Variants in TNFRSF11A observed in about 807,000 individuals in gnomAD.
TNFRSF11A encodes tumor necrosis factor receptor superfamily member 11A.
TNFRSF11A carries 32 observed loss-of-function variants against 55.7 expected under a neutral mutation model. The ratio of observed to expected loss-of-function variants is 0.57; its 90% CI spans 0.43 to 0.77. The LOEUF (loss-of-function observed/expected upper bound fraction) is 0.77, where lower values mean the gene tolerates loss of function less well. Ranked by LOEUF, TNFRSF11A falls within the 30% of genes least tolerant of loss-of-function variation. TNFRSF11A has a pLI of 0.00. For missense variants in TNFRSF11A, 753 were observed against 809.8 expected (o/e 0.93, Z 0.85); for synonymous variants, 311 against 331.0 (o/e 0.94, Z 0.65).
intron 1 of TNFRSF11A, among the ~76,000 whole-genome samples, chr18:62,326,931 T>G (rs934982964): frequency 6.6e-6 from 1 of 152,136 alleles, no homozygotes; most frequent in African/African-American, 2.4e-5. Flanking sequence ...ATTACATACA[T>G]AGGCACAGGA....
At chr18:62,343,377 T>G (rs1448588961) in intron 1 of TNFRSF11A, among the ~76,000 whole-genome samples, 1 of 152,222 alleles carries the variant, frequency 6.6e-6, no homozygotes, top group South Asian at 2.1e-4. Context: ...TTAGTATCCA[T>G]AATGACTTGC....
rs191486148 is a variant in TNFRSF11A, at chr18:62,338,102, A to C, written c.76-10066A>C. Among the ~76,000 whole-genome samples the C allele has an allele frequency of 2.2e-4, 34 of 152,346 alleles. No individual in the cohort carries two copies. In the East Asian group the frequency reaches 6.2e-3, roughly 28 times the overall value. ...CATTAGGAAAATGCAAACTGGAACC[A>C]CAAGGAGATACTACCTCACACACAT... On this transcript the variant is annotated intron_variant, in intron 1 of 9. Coordinates refer to ENST00000586569, the MANE Select transcript of TNFRSF11A (RefSeq NM_003839.4).
intron 3 of TNFRSF11A, 151 bp downstream of exon 3, chr18:62,350,088 G>A: frequency 1.0e-6 from 1 of 997,088 alleles, no homozygotes; most frequent in Non-Finnish European, 1.5e-6. Context: ...ATGCGTTTTA[G>A]ATCCCCAAGG....
chr18:62,367,667 A>G (rs1273494368), intron 8 of TNFRSF11A, among the ~76,000 whole-genome samples: 1 of 152,148 alleles, frequency 6.6e-6, no homozygotes, highest in Admixed American at 6.5e-5. Context: ...ACCATAGTAC[A>G]TGTATCGGAA....
At chr18:62,338,476 T>C (rs965995780) in intron 1 of TNFRSF11A, among the ~76,000 whole-genome samples, 1 of 152,232 alleles carries the variant, frequency 6.6e-6, no homozygotes, top group Non-Finnish European at 1.5e-5. Context: ...GGTGGAATAT[T>C]ATCCAGCCAT....
chr18:62,390,433 T>A lies in TNFRSF11A; in HGVS notation c.*5399T>A, dbSNP rs1430520904. On this transcript the variant is annotated 3_prime_UTR_variant, in exon 10 of 10. Coordinates refer to ENST00000586569, the MANE Select transcript of TNFRSF11A (RefSeq NM_003839.4). ...TTGAAAGGCTATGTGGGCTAGTTTG[T>A]CATGGTATTCCTGGTGCCTCTCCCC... 1 of 152,262 alleles carries A rather than the reference T, an allele frequency of 6.6e-6. No homozygotes were observed. The highest frequency in any genetic ancestry group is 1.5e-5 in the Non-Finnish European group (1 of 68,068). 9.4% of individuals were successfully genotyped at this position (152,262 alleles called of 1,614,324 possible).
At chr18:62,382,904 T>A (rs1473260622) in intron 9 of TNFRSF11A, among the ~76,000 whole-genome samples, 2 of 152,338 alleles carry the variant, frequency 1.3e-5, no homozygotes, top group African/African-American at 4.8e-5. Flanking sequence ...ATTTCACTGC[T>A]TTACCTAATA....
In TNFRSF11A at chr18:62,368,917, G is replaced by C. The variant is rs759786718; in HGVS notation, c.1000G>C (p.Glu334Gln). The C allele has an allele frequency of 1.2e-6, 2 of 1,614,252 alleles. No homozygotes were observed. Among genetic ancestry groups the C allele is most frequent in the South Asian group, 1.1e-5 (1 of 91,086 alleles). ...ARMLSLVSKT[E>Q]IEEDSFRQMP... ...GATGCTCTCATTGGTCAGCAAGACC[G>C]AGATAGAGGAAGACAGCTTCAGACA... Residue 334 changes from glutamate (E) to glutamine (Q), a missense_variant, in exon 9 of 10, where the codon GAG (glutamate) becomes CAG (glutamine). By Grantham distance (29) the Glu-to-Gln change is conservative. Coordinates refer to ENST00000586569, the MANE Select transcript of TNFRSF11A (RefSeq NM_003839.4).
rs779756954 is a variant in TNFRSF11A, at chr18:62,388,680, C to T, written c.*3646C>T. ...ATTCCCACAATGAAAGGGACACCCA[C>T]GTTCATATTTAAGTGCTGTGTCAAA... On this transcript the variant is annotated 3_prime_UTR_variant, in exon 10 of 10. Coordinates refer to ENST00000586569, the MANE Select transcript of TNFRSF11A (RefSeq NM_003839.4). 1 of 152,254 alleles carries T rather than the reference C, an allele frequency of 6.6e-6. No homozygotes were observed. Among genetic ancestry groups the T allele is most frequent in the African/African-American group, 2.4e-5 (1 of 41,468 alleles). 9.4% of individuals were successfully genotyped at this position (152,254 alleles called of 1,614,324 possible).
chr18:62,339,023 C>T (rs1274814302), intron 1 of TNFRSF11A, among the ~76,000 whole-genome samples: 1 of 152,214 alleles, frequency 6.6e-6, no homozygotes, highest in East Asian at 1.9e-4. Flanking sequence ...TCGTCTCCAT[C>T]TCTGTTTCCT....
chr18:62,381,111 A>G (rs1048652052), intron 9 of TNFRSF11A, among the ~76,000 whole-genome samples: 1 of 152,242 alleles, frequency 6.6e-6, no homozygotes, highest in African/African-American at 2.4e-5. Flanking sequence ...GTTCCCCAAC[A>G]ATAATATTCT....
chr18:62,346,462 G>A (rs959770975), intron 1 of TNFRSF11A, among the ~76,000 whole-genome samples: 6 of 152,264 alleles, frequency 3.9e-5, no homozygotes, highest in Non-Finnish European at 7.4e-5. Flanking sequence ...TCCTCAGTCC[G>A]CTGGGCTCAA....
chr18:62,340,088 A>C (rs2046290151), intron 1 of TNFRSF11A, among the ~76,000 whole-genome samples: 1 of 152,072 alleles, frequency 6.6e-6, no homozygotes, highest in Non-Finnish European at 1.5e-5. Context: ...CAGGAGGATC[A>C]CTTGAGTATG....
At position 62,325,628 on chromosome 18, in the gene TNFRSF11A, G is replaced by A. The variant is rs559382060; in HGVS notation, c.75+201G>A. Among the ~76,000 whole-genome samples the A allele has an allele frequency of 6.6e-6, 1 of 152,266 alleles. No homozygotes were observed. Among genetic ancestry groups the A allele is most frequent in the Non-Finnish European group, 1.5e-5 (1 of 68,000 alleles). On this transcript the variant is annotated intron_variant, in intron 1 of 9. Transcript: ENST00000586569. The surrounding 1 kb of genome is among the most constrained non-coding windows in gnomAD (Gnocchi z 4.7). ...GGGAAAGGGCAAGCGGAGGGAAACT[G>A]GGGCGCAGAAGGAGCAGGTTGGCGG... is the stretch of plus-strand genomic sequence containing the variant.
At chr18:62,346,114 G>A (rs182815655) in intron 1 of TNFRSF11A, among the ~76,000 whole-genome samples, 15 of 152,304 alleles carry the variant, frequency 9.8e-5, no homozygotes, top group East Asian at 1.9e-4. Context: ...ACCTTTCTGT[G>A]TGTAGAACAC....
intron 1 of TNFRSF11A, among the ~76,000 whole-genome samples, chr18:62,337,033 G>C (rs1342867638): frequency 6.6e-6 from 1 of 152,194 alleles, no homozygotes; most frequent in Non-Finnish European, 1.5e-5. Flanking sequence ...GGGAAATGCT[G>C]ATGGGCCCAA....
intron 4 of TNFRSF11A, 105 bp downstream of exon 4, chr18:62,354,639 G>A: frequency 6.6e-7 from 1 of 1,523,416 alleles, no homozygotes; most frequent in Non-Finnish European, 8.9e-7. Context: ...GTGCTAGGCA[G>A]CATTGGAGGA....
chr18:62,378,954 C>G (rs1377298583), intron 9 of TNFRSF11A, among the ~76,000 whole-genome samples: 1 of 152,226 alleles, frequency 6.6e-6, no homozygotes. Context: ...TCTTCAGAGA[C>G]TGAAACACCA....
rs1156683171 is a variant in TNFRSF11A, at chr18:62,385,227, C to A, written c.*193C>A. ...TGAATTGATGAGGACTGTCCCCATG[C>A]CCACGGATGCTCAGCAGCCCGCCGC... On this transcript the variant is annotated 3_prime_UTR_variant, in exon 10 of 10. Transcript: ENST00000586569. 3 of 570,720 alleles carry A rather than the reference C, an allele frequency of 5.3e-6. No homozygotes were observed. The highest frequency in any genetic ancestry group is 8.2e-6 in the Non-Finnish European group (3 of 364,496). The allele number at this position is 570,720 out of a possible 1,614,324, so 35.4% of individuals were successfully genotyped here.
Sources: allele counts gnomAD v4.1 joint callset (sites outside exome capture counted in the v4.1 genomes callset), GRCh38; gene constraint gnomAD v4.1.1; non-coding constraint Gnocchi (gnomAD v3.1); transcripts MANE v1.5; gene names NCBI Gene and HGNC (gene_info 2026-07-23, HGNC 2026-07-21).